The following SNX25 variants were observed in gnomAD, a reference collection of about 807,000 sequenced individuals.
SNX25 encodes the protein sorting nexin-25.
SNX25 carries 62 observed loss-of-function variants against 113.7 expected under a neutral mutation model. The ratio of observed to expected loss-of-function variants is 0.55; its 90% CI spans 0.44 to 0.67. The LOEUF (loss-of-function observed/expected upper bound fraction) is 0.67. Among genes scored for constraint, SNX25 ranks in the 30% least tolerant of loss-of-function variants. The pLI, the probability that SNX25 is intolerant of heterozygous loss-of-function variation, is 0.00. For missense variants in SNX25, 1,014 were observed against 1,161.0 expected (o/e 0.87, Z 1.84); for synonymous variants, 421 against 436.2 (o/e 0.97, Z 0.43).
chr4:185,323,690 C>T lies in SNX25; in HGVS notation c.1639C>T (p.Leu547=). The change falls in exon 9 of 19, where the codon CTA becomes TTA. Residue 547 remains leucine, a synonymous_variant. Transcript: ENST00000652585. Reference sequence around the variant, plus strand: ...AATCCAGGAAGATGTTTATGAGACCCTAAAGGATAGGTATTACCCTTCATT... The same window carrying T: ...AATCCAGGAAGATGTTTATGAGACCTTAAAGGATAGGTATTACCCTTCATT... ...YKIQEDVYET[L]KDRYYPSFIV... The T allele has an allele frequency of 1.2e-6, 2 of 1,613,480 alleles. No homozygotes were observed. Among genetic ancestry groups the T allele is most frequent in the Non-Finnish European group, 1.7e-6 (2 of 1,179,650 alleles).
At chr4:185,349,129 G>C (rs2095303047) in intron 13 of SNX25, among the ~76,000 whole-genome samples, 1 of 152,104 alleles carries the variant, frequency 6.6e-6, no homozygotes, top group Non-Finnish European at 1.5e-5. Flanking sequence ...AAGAAGGATT[G>C]TCTTGGGCCA....
intron 6 of SNX25, among the ~76,000 whole-genome samples, chr4:185,303,839 G>A (rs891628617): frequency 1.3e-5 from 2 of 152,024 alleles, no homozygotes; most frequent in African/African-American, 4.8e-5. Context: ...GGAGTGACAC[G>A]TTAGACTATG....
At chr4:185,231,711 C>CAA (rs35635272) in intron 1 of SNX25, among the ~76,000 whole-genome samples, 4 of 134,342 alleles carry the variant, frequency 3.0e-5, no homozygotes, top group Non-Finnish European at 3.2e-5. Flanking sequence ...ACTCCATCTT[C>CAA]AAAAAAAAAA....
chr4:185,378,511 A>G, the SNX25 span: 1 of 1,072,672 alleles, frequency 9.3e-7, no homozygotes, highest in South Asian at 3.6e-5. Context: ...CACCCAGCAC[A>G]AGTGTTGCCA....
rs1029383179 is a variant in SNX25, at chr4:185,346,108, C to T, written c.2188-429C>T. 6.6e-5 allele frequency among the ~76,000 whole-genome samples: 10 copies of T among 152,238 alleles called. No individual in the cohort carries two copies. In the East Asian group the frequency reaches 1.7e-3, roughly 26 times the overall value. On this transcript the variant is annotated intron_variant, in intron 12 of 18. Transcript: ENST00000652585. Reference sequence around the variant, plus strand: ...TCCTGACCTCATGTGATCCAGCTTCCTTGGCCTCCCAAAGTGTTGGGATTA... The same window carrying T: ...TCCTGACCTCATGTGATCCAGCTTCTTTGGCCTCCCAAAGTGTTGGGATTA...
chr4:185,297,387 A>C (rs2126633676), intron 6 of SNX25, among the ~76,000 whole-genome samples: 1 of 152,296 alleles, frequency 6.6e-6, no homozygotes, highest in Admixed American at 6.5e-5. Flanking sequence ...TGAAGACTCC[A>C]AATTTCTGTC....
chr4:185,260,339 C>T (rs562493742), intron 3 of SNX25, among the ~76,000 whole-genome samples: 10 of 152,122 alleles, frequency 6.6e-5, no homozygotes, highest in Admixed American at 6.5e-4. Context: ...TCAAAGAGCT[C>T]ATTTCTATGG....
downstream of SNX25, chr4:185,364,031 C>T (rs1229668965): frequency 6.6e-6 from 1 of 152,620 alleles, no homozygotes; most frequent in Admixed American, 6.5e-5. Flanking sequence ...ACAGGCTGTT[C>T]AAATATTTAT....
chr4:185,309,540 G>T (rs144367988), intron 6 of SNX25, among the ~76,000 whole-genome samples: 3 of 151,986 alleles, frequency 2.0e-5, no homozygotes, highest in Admixed American at 6.6e-5. Flanking sequence ...TTAGTAATTG[G>T]CCCCACCATC....
intron 5 of SNX25, among the ~76,000 whole-genome samples, chr4:185,285,383 A>C (rs1265156408): frequency 6.6e-6 from 1 of 152,226 alleles, no homozygotes; most frequent in African/African-American, 2.4e-5. Context: ...TAATGAAAGC[A>C]TCATTGGCCA....
intron 8 of SNX25, among the ~76,000 whole-genome samples, chr4:185,322,038 G>A (rs755305240): frequency 7.2e-5 from 11 of 152,166 alleles, no homozygotes; most frequent in Non-Finnish European, 1.3e-4. Flanking sequence ...ATCCCGAGGG[G>A]CAACCGTATA....
intron 15 of SNX25, among the ~76,000 whole-genome samples, chr4:185,356,920 A>G (rs902452539): frequency 3.9e-5 from 6 of 152,204 alleles, no homozygotes; most frequent in African/African-American, 1.4e-4. Flanking sequence ...TTCAGTTTCT[A>G]TACCTATAAA....
chr4:185,373,204 G>T, downstream of SNX25: 1 of 882,748 alleles, frequency 1.1e-6, no homozygotes. Flanking sequence ...GGAAAGAGCG[G>T]TAGGCCTTTG....
the SNX25 span, chr4:185,377,122 C>G: frequency 1.2e-6 from 1 of 817,910 alleles, no homozygotes; most frequent in Non-Finnish European, 2.0e-6. Context: ...GACATTCTTG[C>G]TTTCTAGTGC....
At chr4:185,345,003 C>T (rs1211338088) in intron 12 of SNX25, among the ~76,000 whole-genome samples, 1 of 151,980 alleles carries the variant, frequency 6.6e-6, no homozygotes, top group Admixed American at 6.6e-5. Context: ...TGTGGAAAAA[C>T]TATTGTGAAA....
intron 1 of SNX25, among the ~76,000 whole-genome samples, chr4:185,236,920 C>T (rs1402665038): frequency 6.6e-6 from 1 of 152,118 alleles, no homozygotes; most frequent in Non-Finnish European, 1.5e-5. Context: ...GGAAATGTAC[C>T]AAAATGTTAT....
chr4:185,227,367 G>C (rs1385724642), intron 1 of SNX25, among the ~76,000 whole-genome samples: 1 of 152,230 alleles, frequency 6.6e-6, no homozygotes, highest in East Asian at 1.9e-4. Context: ...CCTGTGTCAA[G>C]GTCTTCAAGA....
intron 13 of SNX25, among the ~76,000 whole-genome samples, chr4:185,349,749 T>G (rs2095306186): frequency 6.6e-6 from 1 of 152,266 alleles, no homozygotes. Flanking sequence ...TGTGTTTTGC[T>G]GTTGAATTGT....
chr4:185,341,816 T>C (rs1021677055), intron 11 of SNX25, among the ~76,000 whole-genome samples, 160 bp from the exon 12 acceptor site: 1 of 152,164 alleles, frequency 6.6e-6, no homozygotes, highest in Non-Finnish European at 1.5e-5. Context: ...ATATAATGTA[T>C]CTTAGTTACT....
Sources: allele counts gnomAD v4.1 joint callset (sites outside exome capture counted in the v4.1 genomes callset), GRCh38; gene constraint gnomAD v4.1.1; transcripts MANE v1.5; gene names NCBI Gene and HGNC (gene_info 2026-07-23, HGNC 2026-07-21).